FER: variants seen among roughly 807,000 people sequenced by gnomAD.
The protein encoded by FER is tyrosine-protein kinase Fer.
FER carries 63 observed loss-of-function variants against 111.0 expected under a neutral mutation model. The ratio of observed to expected loss-of-function variants is 0.57; its 90% CI spans 0.46 to 0.70. The LOEUF is 0.70. Among genes scored for constraint, FER ranks in the 30% least tolerant of loss-of-function variants. FER has a pLI of 0.00. For synonymous variants in FER, 327 were observed against 313.9 expected, an observed-to-expected ratio of 1.04 and a Z score of -0.44; for missense variants, 914 against 954.0, an observed-to-expected ratio of 0.96 and a Z score of 0.55.
intron 17 of FER, among the ~76,000 whole-genome samples, chr5:109,107,127 A>T (rs17161607): frequency 0.41 from 62,286 of 152,018 alleles, 13,535 homozygotes; most frequent in African/African-American, 0.56. Flanking sequence ...TACACAGATA[A>T]GATAGAAGAG....
intron 10 of FER, among the ~76,000 whole-genome samples, chr5:108,941,078 G>C (rs543412678): frequency 7.2e-5 from 11 of 152,204 alleles, no homozygotes; most frequent in African/African-American, 2.6e-4. Flanking sequence ...AGCTGGGAGA[G>C]ATCTCCTGTA....
At chr5:109,163,778 A>T (rs895314783) in intron 17 of FER, among the ~76,000 whole-genome samples, 1 of 152,114 alleles carries the variant, frequency 6.6e-6, no homozygotes, top group Non-Finnish European at 1.5e-5. Context: ...ACATTTTTTT[A>T]AAAACATTTC....
intron 3 of FER, among the ~76,000 whole-genome samples, chr5:108,829,000 A>T (rs1759763858): frequency 1.3e-5 from 2 of 152,304 alleles, no homozygotes; most frequent in Admixed American, 1.3e-4. Flanking sequence ...TCTATGTCCT[A>T]ATCATTGCTA....
In FER at chr5:108,867,774, A is replaced by C. The variant is rs755666246; in HGVS notation, c.489A>C (p.Glu163Asp). The C allele has an allele frequency of 6.2e-7, 1 of 1,601,132 alleles. No individual in the cohort carries two copies. Among genetic ancestry groups the C allele is most frequent in the Non-Finnish European group, 8.5e-7 (1 of 1,176,248 alleles). Residue 163 changes from glutamate (E) to aspartate (D), a missense_variant, in exon 6 of 20, where the codon GAA becomes GAC. Coordinates refer to ENST00000281092, the MANE Select transcript of FER (RefSeq NM_005246.4). ...KYKEALAKGK[E>D]TEKAKERYDK... is the part of the protein sequence containing the mutation. ...AGTTTTTTTTTTTTTCAGGGAAGGA[A>C]ACTGAAAAGGCCAAGGAACGATACG...
At chr5:109,142,166 G>T (rs562608037) in intron 17 of FER, among the ~76,000 whole-genome samples, 1 of 152,272 alleles carries the variant, frequency 6.6e-6, no homozygotes, top group Admixed American at 6.6e-5. Context: ...TACAGAGACT[G>T]CCATAAAAAC....
At chr5:108,817,883 C>T (rs1442654637) in intron 3 of FER, among the ~76,000 whole-genome samples, 1 of 152,144 alleles carries the variant, frequency 6.6e-6, no homozygotes, top group Admixed American at 6.5e-5. Flanking sequence ...CTTAGTATAA[C>T]TGGTACTATT....
intron 10 of FER, among the ~76,000 whole-genome samples, chr5:108,939,863 T>C (rs1339923973): frequency 6.6e-6 from 1 of 152,000 alleles, no homozygotes; most frequent in African/African-American, 2.4e-5. Context: ...GGAGCTCTGA[T>C]AAGAGTATTA....
chr5:109,107,660 G>C (rs562829080), intron 17 of FER, among the ~76,000 whole-genome samples: 1 of 152,272 alleles, frequency 6.6e-6, no homozygotes. Context: ...AGGACTGAAA[G>C]TTCAGCCAGG....
rs760139281 is a variant in FER at position 108,798,315 on chromosome 5, A to G, written c.133A>G (p.Thr45Ala). 1.7e-5 allele frequency: 28 copies of G among 1,613,716 alleles called. No homozygotes were observed. Among genetic ancestry groups the G allele is most frequent in the Non-Finnish European group, 2.3e-5 (27 of 1,179,700 alleles). Residue 45 changes from threonine to alanine, a missense_variant, in exon 3 of 20, where the codon ACT (threonine) becomes GCT (alanine). Thr to Ala is a moderately conservative substitution (Grantham distance 58). Around this residue, in one of 3 missense-constraint regions of FER, gnomAD observed 774 missense variants for 782.6 expected, o/e 0.99. Coordinates refer to ENST00000281092, the MANE Select transcript of FER (RefSeq NM_005246.4). Reference sequence around the variant, plus strand: ...AAAAAGTGATAAAGAATATGCATCTACTTTACAGAACCTTTGTAATCAAGT... The same window carrying G: ...AAAAAGTGATAAAGAATATGCATCTGCTTTACAGAACCTTTGTAATCAAGT... Reference protein sequence around the residue: ...RIKSDKEYASTLQNLCNQVDK... With the variant: ...RIKSDKEYASALQNLCNQVDK...
At chr5:109,132,687 TG>T (rs1285157203) in intron 17 of FER, among the ~76,000 whole-genome samples, 1 of 152,114 alleles carries the variant, frequency 6.6e-6, no homozygotes, top group African/African-American at 2.4e-5. Flanking sequence ...AGACAATCTA[TG>T]GGGAATACAG....
intron 16 of FER, among the ~76,000 whole-genome samples, chr5:109,079,251 G>A (rs905653916): frequency 6.6e-6 from 1 of 152,112 alleles, no homozygotes; most frequent in Non-Finnish European, 1.5e-5. Flanking sequence ...CCTAACCACT[G>A]CTCCACCTGG....
At chr5:109,098,598 T>G (rs1330912895) in intron 16 of FER, among the ~76,000 whole-genome samples, 3 of 151,716 alleles carry the variant, frequency 2.0e-5, no homozygotes, top group African/African-American at 7.2e-5. Flanking sequence ...AGTAATAGCT[T>G]GAACTAAATA....
At chr5:108,878,367 A>G (rs1425149018) in intron 8 of FER, among the ~76,000 whole-genome samples, 3 of 152,146 alleles carry the variant, frequency 2.0e-5, no homozygotes, top group Admixed American at 6.5e-5. Context: ...GGTTTAACTC[A>G]TGAAGAAAGT....
intron 17 of FER, among the ~76,000 whole-genome samples, chr5:109,144,367 G>T (rs1753839014): frequency 6.6e-6 from 1 of 152,028 alleles, no homozygotes; most frequent in African/African-American, 2.4e-5. Flanking sequence ...GATGTCCTTG[G>T]CCAGCCTTGG....
intron 11 of FER, among the ~76,000 whole-genome samples, chr5:108,953,946 A>C (rs950148265): frequency 6.6e-6 from 1 of 152,124 alleles, no homozygotes; most frequent in African/African-American, 2.4e-5. Context: ...TGTGTGATTT[A>C]ATCTACTATC....
chr5:108,938,024 T>TCACACACA (rs1160736106), intron 10 of FER, among the ~76,000 whole-genome samples: 19 of 78,040 alleles, frequency 2.4e-4, no homozygotes, highest in African/African-American at 7.4e-4. Context: ...CCTATCTCTC[T>TCACACACA]CTCACACACA....
intron 10 of FER, among the ~76,000 whole-genome samples, chr5:108,934,177 G>C (rs890098212): frequency 7.9e-5 from 12 of 152,210 alleles, no homozygotes; most frequent in Non-Finnish European, 1.5e-4. Context: ...CGTTTGCTTG[G>C]CTTTCTGTAT....
chr5:109,185,912 A>AT (rs1350159922), intron 18 of FER, among the ~76,000 whole-genome samples: 1 of 152,216 alleles, frequency 6.6e-6, no homozygotes, highest in Non-Finnish European at 1.5e-5. Context: ...CCTATATAGC[A>AT]TGTTACTGTA....
chr5:109,176,057 G>GTGA (rs1554159334), intron 17 of FER, among the ~76,000 whole-genome samples: 1 of 152,140 alleles, frequency 6.6e-6, no homozygotes, highest in Non-Finnish European at 1.5e-5. Context: ...TACACTGTTG[G>GTGA]TGAGAATGTA....
Sources: gnomAD v4.1 joint callset for allele counts (sites outside exome capture counted in the v4.1 genomes callset) on GRCh38, gnomAD v4.1.1 for gene constraint, gnomAD v4.1.1 regional missense constraint, MANE v1.5 for transcripts, NCBI Gene and HGNC (gene_info 2026-07-23, HGNC 2026-07-21) for gene names.